Variants in TENM2 observed in about 807,000 individuals in gnomAD.
TENM2 encodes the protein teneurin transmembrane protein 2, also known as teneurin-2.
Under a neutral mutation model 245.2 loss-of-function variants are expected in TENM2, and 52 were observed. The ratio of observed to expected loss-of-function variants is 0.21; its 90% CI spans 0.17 to 0.27. The LOEUF (loss-of-function observed/expected upper bound fraction) is 0.27, where lower values mean the gene tolerates loss of function less well. Ranked by LOEUF, TENM2 falls within the 10% of genes least tolerant of loss-of-function variation. The pLI is 1.00. For missense variants in TENM2, 3,046 were observed against 3,666.8 expected (o/e 0.83, Z 4.37); for synonymous variants, 1,363 against 1,438.9 (o/e 0.95, Z 1.19).
At chr5:167,386,212 C>G (rs1019580727) in intron 2 of TENM2, among the ~76,000 whole-genome samples, 1 of 152,022 alleles carries the variant, frequency 6.6e-6, no homozygotes, top group African/African-American at 2.4e-5. Flanking sequence ...GCCATTCTTG[C>G]GGCAGTAAAG....
intron 2 of TENM2, among the ~76,000 whole-genome samples, chr5:167,634,339 A>G (rs1160895620): frequency 6.6e-6 from 1 of 152,196 alleles, no homozygotes; most frequent in Non-Finnish European, 1.5e-5. Flanking sequence ...ATAAGGTTAG[A>G]GAAGAGTTCT....
chr5:167,101,869 A>ATATATG, the TENM2 span, among the ~76,000 whole-genome samples: 1 of 125,774 alleles, frequency 8.0e-6, no homozygotes, highest in South Asian at 2.8e-4. Flanking sequence ...ATATATATAT[A>ATATATG]TATATATGCA....
chr5:168,101,421 G>A (rs916938000), intron 9 of TENM2, among the ~76,000 whole-genome samples: 1 of 151,980 alleles, frequency 6.6e-6, no homozygotes, highest in Non-Finnish European at 1.5e-5. Context: ...TAAGTACCCC[G>A]GCCGTTTAAG....
rs34403067 is a variant in TENM2 at position 167,378,378 on chromosome 5, C to CTT, written c.502+2920_502+2921dup. 6.0e-4 allele frequency among the ~76,000 whole-genome samples: 66 copies of CTT among 110,068 alleles called. 1 individual carries two copies. Among genetic ancestry groups the CTT allele is most frequent in the African/African-American group, 1.1e-3 (29 of 25,860 alleles). 72.2% of individuals were successfully genotyped at this position (110,068 alleles called of 152,430 possible). A position where few individuals can be genotyped will look rare whatever the true frequency, so the allele number is the denominator to read the frequency against. ...ACCTGTCTTTCTTTTCTTTCTTCTT[C>CTT]TTTTTTTTTTTTTTTTGGTAGTGTA... On this transcript the variant is annotated intron_variant, in intron 2 of 28. Coordinates refer to ENST00000518659, the Ensembl canonical transcript of TENM2.
intron 2 of TENM2, among the ~76,000 whole-genome samples, chr5:167,551,916 G>A (rs990714625): frequency 2.2e-4 from 33 of 152,296 alleles, no homozygotes; most frequent in African/African-American, 7.9e-4. Context: ...ACTGGTGAGG[G>A]AACAGGGGAA....
At chr5:167,946,429 T>C (rs1288441270) in intron 3 of TENM2, among the ~76,000 whole-genome samples, 1 of 152,180 alleles carries the variant, frequency 6.6e-6, no homozygotes, top group Non-Finnish European at 1.5e-5. Context: ...AGAAAGAGAT[T>C]GCACTGCAGT....
chr5:167,621,095 G>A (rs1294891364), intron 2 of TENM2, among the ~76,000 whole-genome samples: 1 of 152,056 alleles, frequency 6.6e-6, no homozygotes, highest in African/African-American at 2.4e-5. Flanking sequence ...TATCCATTCA[G>A]CAAGTATTTA....
intron 3 of TENM2, among the ~76,000 whole-genome samples, chr5:167,933,513 T>G (rs1168612610): frequency 6.6e-6 from 1 of 152,224 alleles, no homozygotes; most frequent in Admixed American, 6.5e-5. Context: ...CTCATTATGC[T>G]CTCTTTAAAA....
At chr5:167,825,488 C>T (rs890118219) in intron 2 of TENM2, among the ~76,000 whole-genome samples, 1 of 152,134 alleles carries the variant, frequency 6.6e-6, no homozygotes, top group Admixed American at 6.5e-5. Context: ...GGGGAGGATG[C>T]AGTAGCCATC....
rs181289979 is a variant in TENM2 at position 167,411,700 on chromosome 5, A to C, written c.502+36227A>C. On this transcript the variant is annotated intron_variant, in intron 2 of 28. Coordinates refer to ENST00000518659, the Ensembl canonical transcript of TENM2. ...GATTCCAGGAGATTGGATGAAGTTT[A>C]AGTTATGAAGTAATCTAGGAAACAT... 9.9e-4 allele frequency among the ~76,000 whole-genome samples: 150 copies of C among 152,064 alleles called. 1 individual carries two copies. The highest frequency in any genetic ancestry group is 1.4e-3 in the Non-Finnish European group (95 of 67,960).
intron 2 of TENM2, among the ~76,000 whole-genome samples, chr5:167,485,531 AT>A (rs1768005841): frequency 1.3e-5 from 2 of 152,170 alleles, no homozygotes; most frequent in South Asian, 4.1e-4. Context: ...CATATTTTTC[AT>A]CTCTAACTGT....
chr5:167,244,608 G>A, the TENM2 span, among the ~76,000 whole-genome samples: 4 of 152,232 alleles, frequency 2.6e-5, no homozygotes, highest in African/African-American at 9.6e-5. Flanking sequence ...GTGTTCTAGG[G>A]AGAGCTTCGC....
the TENM2 span, among the ~76,000 whole-genome samples, chr5:166,990,850 G>A: frequency 2.6e-5 from 4 of 152,058 alleles, no homozygotes; most frequent in East Asian, 1.9e-4. Flanking sequence ...ACAGATCTAC[G>A]CTATTAGACT....
At chr5:167,362,830 C>T (rs990452593) in intron 1 of TENM2, among the ~76,000 whole-genome samples, 2 of 152,042 alleles carry the variant, frequency 1.3e-5, no homozygotes, top group Non-Finnish European at 2.9e-5. Context: ...CATTTCATTG[C>T]TTATCATTTT....
chr5:167,729,931 TTTTC>T (rs1760297895), intron 2 of TENM2, among the ~76,000 whole-genome samples: 1 of 152,212 alleles, frequency 6.6e-6, no homozygotes, highest in Admixed American at 6.5e-5. Flanking sequence ...TGGTTTGCCT[TTTTC>T]TTAGAACAGG....
the TENM2 span, among the ~76,000 whole-genome samples, chr5:167,200,110 C>T: frequency 2.0e-5 from 3 of 152,014 alleles, no homozygotes; most frequent in Non-Finnish European, 4.4e-5. Context: ...TGAATGTCCT[C>T]GCTGATTCAA....
intron 2 of TENM2, among the ~76,000 whole-genome samples, chr5:167,757,195 A>C (rs900824719): frequency 6.6e-6 from 1 of 151,710 alleles, no homozygotes; most frequent in Non-Finnish European, 1.5e-5. Flanking sequence ...GCATCCATCA[A>C]CTCATCAGCT....
the TENM2 span, among the ~76,000 whole-genome samples, chr5:167,118,678 C>T: frequency 6.6e-6 from 1 of 152,146 alleles, no homozygotes; most frequent in South Asian, 2.1e-4. Context: ...GGGAGATAAC[C>T]TTGATGACTG....
chr5:168,147,933 A>G (rs2337130), intron 12 of TENM2, among the ~76,000 whole-genome samples: 126,579 of 152,232 alleles, frequency 0.83, 53,154 homozygotes, highest in African/African-American at 0.96. Flanking sequence ...GGGAACATGT[A>G]CCAAGTAAAG....
Sources: gnomAD v4.1 joint callset for allele counts (sites outside exome capture counted in the v4.1 genomes callset) on GRCh38, gnomAD v4.1.1 for gene constraint, MANE v1.5 for transcripts, NCBI Gene and HGNC (gene_info 2026-07-23, HGNC 2026-07-21) for gene names.